Variants in CEP70 observed in about 807,000 individuals in gnomAD.
CEP70 encodes the protein centrosomal protein of 70 kDa.
In CEP70, 70 loss-of-function variants were observed where a neutral mutation model predicts 90.9. The observed-to-expected ratio is 0.77, with a 90% confidence interval of 0.64 to 0.94. The LOEUF (loss-of-function observed/expected upper bound fraction) is 0.94, where lower values mean the gene tolerates loss of function less well. CEP70 is among the 40% of genes least tolerant of loss of function. The pLI, the probability that CEP70 is intolerant of heterozygous loss-of-function variation, is 0.00. For synonymous variants in CEP70, 220 were observed against 228.3 expected (o/e 0.96, Z 0.33); for missense variants, 648 against 669.0 (o/e 0.97, Z 0.35).
At chr3:138,503,584 A>T (rs1240446718) in intron 13 of CEP70, among the ~76,000 whole-genome samples, 2 of 152,206 alleles carry the variant, frequency 1.3e-5, no homozygotes, top group African/African-American at 4.8e-5. Flanking sequence ...AAACTGTAGT[A>T]TTAATATCTG....
intron 7 of CEP70, among the ~76,000 whole-genome samples, chr3:138,532,881 A>C (rs1020864031): frequency 6.6e-6 from 1 of 152,260 alleles, no homozygotes; most frequent in Non-Finnish European, 1.5e-5. Flanking sequence ...ATGCAACTCA[A>C]TATGAACAAA....
intron 1 of CEP70, chr3:138,592,834 G>C (rs1306177719): frequency 6.6e-6 from 1 of 152,112 alleles, no homozygotes; most frequent in African/African-American, 2.4e-5. Context: ...AAATCTGTAA[G>C]CATCTTCAAA....
chr3:138,587,422 C>A (rs983356002), intron 2 of CEP70, among the ~76,000 whole-genome samples: 5 of 151,942 alleles, frequency 3.3e-5, no homozygotes, highest in African/African-American at 1.2e-4. Flanking sequence ...AACTATAATT[C>A]AGGAAACTTT....
chr3:138,593,814 G>T (rs2042515069), intron 1 of CEP70: 1 of 152,182 alleles, frequency 6.6e-6, no homozygotes. Flanking sequence ...GGTCGATTTT[G>T]GGGGATGGAG....
intron 13 of CEP70, among the ~76,000 whole-genome samples, chr3:138,501,639 A>T (rs2034518498): frequency 6.6e-6 from 1 of 152,190 alleles, no homozygotes; most frequent in African/African-American, 2.4e-5. Context: ...TTAATGTGAA[A>T]GGTTCCCTAA....
chr3:138,541,806 G>A (rs1027712740), intron 6 of CEP70, among the ~76,000 whole-genome samples: 7 of 152,200 alleles, frequency 4.6e-5, no homozygotes, highest in Non-Finnish European at 7.3e-5. Flanking sequence ...CAGATTGCTT[G>A]AGCTCAGGAA....
Position 138,505,343 on chromosome 3 carries a change from A to G in CEP70, c.1173T>C (p.His391=), listed in dbSNP as rs762317909. Reference sequence around the variant, plus strand: ...CCCACATTTCTATTACAGGAACAAGATGCTCAAATCCACAATCTTGAACAA... The same window carrying G: ...CCCACATTTCTATTACAGGAACAAGGTGCTCAAATCCACAATCTTGAACAA... The part of the protein sequence containing the change: ...KDLVQDCGFE[H]LVPVIEMWAD... The change falls in exon 13 of 18, where the codon CAT becomes CAC. Residue 391 remains histidine, a synonymous_variant. Transcript: ENST00000264982. 25 of 1,612,748 alleles carry G rather than the reference A, an allele frequency of 1.6e-5. No homozygotes were observed. Among genetic ancestry groups the G allele is most frequent in the Non-Finnish European group, 2.1e-5 (25 of 1,179,482 alleles).
intron 6 of CEP70, among the ~76,000 whole-genome samples, chr3:138,548,492 T>C (rs988987882): frequency 3.3e-5 from 5 of 152,222 alleles, no homozygotes; most frequent in Non-Finnish European, 5.9e-5. Context: ...CCTGGTTATA[T>C]CCAGGAGATT....
At chr3:138,495,952 A>G in intron 17 of CEP70, 2 of 985,338 alleles carry the variant, frequency 2.0e-6, no homozygotes, top group Non-Finnish European at 2.4e-6. Context: ...CCAGCTTACC[A>G]GATAAACCAA....
intron 2 of CEP70, among the ~76,000 whole-genome samples, chr3:138,588,141 C>A (rs2042198778): frequency 6.6e-6 from 1 of 151,944 alleles, no homozygotes; most frequent in Admixed American, 6.6e-5. Flanking sequence ...CTTAAAATCA[C>A]AACATGTCTA....
Position 138,529,449 on chromosome 3 carries a change from C to T in CEP70, c.706G>A (p.Asp236Asn), listed in dbSNP as rs1417815881. The part of the protein sequence containing the change: ...KIHTQRQYKE[D>N]ESQSEEENDY... Reference sequence around the variant, plus strand: ...TTTTCTTCTTCTGACTGACTTTCATCTTCTTTATATTGCCTATGAAAATAT... The same window carrying T: ...TTTTCTTCTTCTGACTGACTTTCATTTTCTTTATATTGCCTATGAAAATAT... The change falls in exon 9 of 18, where the codon GAT becomes AAT. Residue 236 changes from aspartate (D) to asparagine (N), a missense_variant. Transcript: ENST00000264982. The T allele has an allele frequency of 1.9e-6, 3 of 1,603,386 alleles. No homozygotes were observed. Among genetic ancestry groups the T allele is most frequent in the South Asian group, 1.1e-5 (1 of 89,778 alleles).
At position 138,572,864 on chromosome 3, in the gene CEP70, T is replaced by A; in HGVS notation, c.64A>T (p.Lys22Ter). The A allele has an allele frequency of 6.3e-7, 1 of 1,592,526 alleles. No individual in the cohort carries two copies. The highest frequency in any genetic ancestry group is 2.2e-5 in the East Asian group (1 of 44,740). ...SQPSDRLMTE[K>*]QQEEAEWESI... ...TTAAAATATTTTAAGTTTACCTGTTTTTCAGTCATGAGTCTGTCTGATGGT... is the reference window on the plus strand; with the variant it reads ...TTAAAATATTTTAAGTTTACCTGTTATTCAGTCATGAGTCTGTCTGATGGT... The change falls in exon 3 of 18, where the codon AAA (lysine) becomes TAA (stop). Residue 22 changes from lysine to a stop codon, truncating the protein, a stop_gained. Coordinates refer to ENST00000264982, the MANE Select transcript of CEP70 (RefSeq NM_024491.4). LOFTEE classifies it high-confidence loss of function.
At chr3:138,560,369 G>C (rs139158154) in intron 6 of CEP70, among the ~76,000 whole-genome samples, 2 of 152,272 alleles carry the variant, frequency 1.3e-5, no homozygotes, top group African/African-American at 4.8e-5. Flanking sequence ...ACAACCTGCA[G>C]ACCGGAAGAT....
intron 6 of CEP70, among the ~76,000 whole-genome samples, chr3:138,551,695 G>A (rs907960363): frequency 6.8e-6 from 1 of 147,916 alleles, no homozygotes; most frequent in Non-Finnish European, 1.5e-5. Context: ...GCAGTGAGCC[G>A]ATATCCCGCC....
At chr3:138,496,283 C>T (rs1168464340) in intron 17 of CEP70, 1 of 985,330 alleles carries the variant, frequency 1.0e-6, no homozygotes, top group African/African-American at 1.7e-5. Context: ...TTAGCCTACA[C>T]ACATAGCCCA....
At chr3:138,514,983 G>A (rs1054679244) in intron 11 of CEP70, among the ~76,000 whole-genome samples, 18 of 151,990 alleles carry the variant, frequency 1.2e-4, no homozygotes, top group Non-Finnish European at 1.9e-4. Context: ...AATATAGCAG[G>A]AATTGGGTCT....
intron 2 of CEP70, among the ~76,000 whole-genome samples, chr3:138,582,011 G>A (rs529264133): frequency 1.3e-5 from 2 of 152,220 alleles, no homozygotes; most frequent in Admixed American, 1.3e-4. Flanking sequence ...CCTAGAATAC[G>A]TCAAACATGA....
At chr3:138,588,558 T>G (rs1449742023) in intron 2 of CEP70, among the ~76,000 whole-genome samples, 1 of 152,182 alleles carries the variant, frequency 6.6e-6, no homozygotes, top group Non-Finnish European at 1.5e-5. Flanking sequence ...ACTACACATA[T>G]TAGAATGGCT....
chr3:138,498,252 C>T (rs1387238511), intron 16 of CEP70, 142 bp from the exon 17 acceptor site: 5 of 580,946 alleles, frequency 8.6e-6, no homozygotes, highest in Non-Finnish European at 1.2e-5. Context: ...TCTTTTCTTT[C>T]TGAGCTTTTT....
Sources: gnomAD v4.1 joint callset for allele counts (sites outside exome capture counted in the v4.1 genomes callset) on GRCh38, gnomAD v4.1.1 for gene constraint, MANE v1.5 for transcripts, NCBI Gene and HGNC (gene_info 2026-07-23, HGNC 2026-07-21) for gene names.